MDGA2: variants seen among roughly 807,000 people sequenced by gnomAD.
MDGA2 encodes the protein MAM domain-containing glycosylphosphatidylinositol anchor protein 2.
Under a neutral mutation model 117.8 loss-of-function variants are expected in MDGA2, and 40 were observed. The ratio of observed to expected loss-of-function variants is 0.34; its 90% CI spans 0.26 to 0.44. The LOEUF (loss-of-function observed/expected upper bound fraction) is 0.44. Ranked by LOEUF, MDGA2 falls within the 20% of genes least tolerant of loss-of-function variation. The pLI is 1.00. For synonymous variants in MDGA2, 452 were observed against 439.0 expected (o/e 1.03, Z -0.37); for missense variants, 1,123 against 1,250.6 (o/e 0.90, Z 1.54).
chr14:47,028,603 T>C (rs141472743), intron 8 of MDGA2, among the ~76,000 whole-genome samples: 47 of 152,274 alleles, frequency 3.1e-4, no homozygotes, highest in African/African-American at 9.9e-4. Flanking sequence ...AATAAAGATC[T>C]TTCGTCATCA....
intron 9 of MDGA2, among the ~76,000 whole-genome samples, chr14:46,947,053 A>T (rs1245073756): frequency 6.6e-6 from 1 of 152,072 alleles, no homozygotes; most frequent in African/African-American, 2.4e-5. Flanking sequence ...CTTCTTTCTC[A>T]TATTCCATTC....
chr14:47,176,976 C>A (rs1462178417), intron 3 of MDGA2, among the ~76,000 whole-genome samples: 2 of 152,026 alleles, frequency 1.3e-5, no homozygotes, highest in African/African-American at 4.8e-5. Flanking sequence ...ACAACCCCAT[C>A]AAAAAGTGGG....
chr14:47,136,086 C>G (rs948471328), intron 4 of MDGA2, among the ~76,000 whole-genome samples: 2 of 151,878 alleles, frequency 1.3e-5, no homozygotes, highest in African/African-American at 4.8e-5. Context: ...TTGGAAGATA[C>G]GTCAAACTTG....
chr14:47,273,616 T>A (rs1048412495), intron 2 of MDGA2, among the ~76,000 whole-genome samples: 10 of 152,310 alleles, frequency 6.6e-5, no homozygotes, highest in Admixed American at 2.0e-4. Flanking sequence ...TTACAATTTA[T>A]TGTTATCATT....
At position 47,335,745 on chromosome 14, in the gene MDGA2, T is replaced by TATATATATATACACATAC; in HGVS notation, c.281-34196_281-34195insGTATGTGTATATATATAT. On this transcript the variant is annotated intron_variant, in intron 1 of 16. Transcript: ENST00000399232. ...TGCACACATATATTTTATATATATA[T>TATATATATATACACATAC]ATACATACATACATACAGGATCACT... Among the ~76,000 whole-genome samples, 54 of 95,558 alleles carry TATATATATATACACATAC rather than the reference T, an allele frequency of 5.7e-4. 2 individuals are homozygous for TATATATATATACACATAC. Among genetic ancestry groups the TATATATATATACACATAC allele is most frequent in the East Asian group, 4.3e-3 (6 of 1,382 alleles). 62.7% of individuals were successfully genotyped at this position (95,558 alleles called of 152,430 possible).
intron 6 of MDGA2, among the ~76,000 whole-genome samples, chr14:47,087,100 A>G (rs996298807): frequency 6.6e-6 from 1 of 152,158 alleles, no homozygotes; most frequent in Non-Finnish European, 1.5e-5. Context: ...TTAGAGTAGA[A>G]CTTCATCAGG....
chr14:47,099,201 C>T (rs1880157610), intron 5 of MDGA2, among the ~76,000 whole-genome samples: 1 of 151,810 alleles, frequency 6.6e-6, no homozygotes, highest in South Asian at 2.1e-4. Context: ...CCAAAATTTG[C>T]TAGCTTTAAA....
At chr14:47,369,711 T>C (rs538906716) in intron 1 of MDGA2, among the ~76,000 whole-genome samples, 25 of 152,306 alleles carry the variant, frequency 1.6e-4, no homozygotes, top group Admixed American at 5.2e-4. Flanking sequence ...AGTGGTCATC[T>C]GCTTTTCTTT....
At chr14:47,325,461 G>C (rs1455987763) in intron 1 of MDGA2, among the ~76,000 whole-genome samples, 1 of 152,074 alleles carries the variant, frequency 6.6e-6, no homozygotes, top group Non-Finnish European at 1.5e-5. Flanking sequence ...CTTGGGTCAG[G>C]GTACCCAAGG....
intron 8 of MDGA2, among the ~76,000 whole-genome samples, chr14:46,996,074 A>T (rs773547178): frequency 5.9e-5 from 9 of 152,100 alleles, no homozygotes; most frequent in African/African-American, 1.2e-4. Flanking sequence ...TTATGTTAAG[A>T]GTTTTGTAAA....
intron 14 of MDGA2, among the ~76,000 whole-genome samples, chr14:46,862,697 CTT>C (rs1881561797): frequency 6.6e-6 from 1 of 151,928 alleles, no homozygotes; most frequent in South Asian, 2.1e-4. Flanking sequence ...GTAACACAGA[CTT>C]ACTGAGTTTC....
chr14:47,238,142 A>C (rs1367354981), intron 2 of MDGA2, among the ~76,000 whole-genome samples: 3 of 152,104 alleles, frequency 2.0e-5, no homozygotes, highest in African/African-American at 7.2e-5. Flanking sequence ...CCTAAATGTC[A>C]TTTCATTGGA....
At chr14:47,352,254 G>A (rs1890899880) in intron 1 of MDGA2, among the ~76,000 whole-genome samples, 1 of 152,100 alleles carries the variant, frequency 6.6e-6, no homozygotes, top group African/African-American at 2.4e-5. Flanking sequence ...TTCCTCATCG[G>A]TTACCTATCT....
chr14:47,013,411 C>T (rs1377293247), intron 8 of MDGA2, among the ~76,000 whole-genome samples: 1 of 152,070 alleles, frequency 6.6e-6, no homozygotes, highest in Non-Finnish European at 1.5e-5. Context: ...TCCTCGGGCT[C>T]TATCTTCTAA....
intron 9 of MDGA2, among the ~76,000 whole-genome samples, chr14:46,929,607 A>ATATATATATATATATATC (rs1884469195): frequency 8.9e-5 from 1 of 11,232 alleles, no homozygotes; most frequent in African/African-American, 3.5e-4. Context: ...GTGTGTATAT[A>ATATATATATATATATATC]TATATATATA....
chr14:47,078,268 G>C (rs1890568979), intron 6 of MDGA2, among the ~76,000 whole-genome samples: 2 of 152,022 alleles, frequency 1.3e-5, no homozygotes, highest in South Asian at 4.1e-4. Context: ...TACTGACCTA[G>C]AATAGTTGAA....
intron 1 of MDGA2, among the ~76,000 whole-genome samples, chr14:47,584,872 C>T (rs1339449193): frequency 6.6e-6 from 1 of 151,800 alleles, no homozygotes; most frequent in Non-Finnish European, 1.5e-5. Flanking sequence ...GCTTCATACC[C>T]TTCCCACTTG....
intron 8 of MDGA2, among the ~76,000 whole-genome samples, chr14:46,974,633 G>A (rs1207238686): frequency 6.6e-6 from 1 of 152,124 alleles, no homozygotes; most frequent in Non-Finnish European, 1.5e-5. Context: ...GGAATAGATA[G>A]TCTTTTCAAC....
intron 10 of MDGA2, among the ~76,000 whole-genome samples, chr14:46,918,041 T>C (rs1473125312): frequency 6.6e-6 from 1 of 152,104 alleles, no homozygotes; most frequent in Non-Finnish European, 1.5e-5. Context: ...AAGAAGATGA[T>C]GAGAAGGGTT....
Sources: allele counts gnomAD v4.1 joint callset (sites outside exome capture counted in the v4.1 genomes callset), GRCh38; gene constraint gnomAD v4.1.1; transcripts MANE v1.5; gene names NCBI Gene and HGNC (gene_info 2026-07-23, HGNC 2026-07-21).